The following ITSN1 variants were observed in gnomAD, a reference collection of about 807,000 sequenced individuals.
The protein encoded by ITSN1 is intersectin-1.
Under a neutral mutation model 239.8 loss-of-function variants are expected in ITSN1, and 58 were observed. The ratio of observed to expected loss-of-function variants is 0.24; its 90% CI spans 0.20 to 0.30. The LOEUF (loss-of-function observed/expected upper bound fraction) is 0.30. Among genes scored for constraint, ITSN1 ranks in the 10% least tolerant of loss-of-function variants. The pLI, the probability that ITSN1 is intolerant of heterozygous loss-of-function variation, is 1.00. For missense variants in ITSN1, 1,558 were observed against 2,103.3 expected, an observed-to-expected ratio of 0.74 and a Z score of 5.07; for synonymous variants, 780 against 770.8, an observed-to-expected ratio of 1.01 and a Z score of -0.20.
intron 1 of ITSN1, among the ~76,000 whole-genome samples, chr21:33,704,396 G>C (rs2092154675): frequency 6.6e-6 from 1 of 152,072 alleles, no homozygotes; most frequent in Non-Finnish European, 1.5e-5. Context: ...CTTCACCCTG[G>C]TTAGTTTACC....
intron 1 of ITSN1, among the ~76,000 whole-genome samples, chr21:33,699,586 G>C (rs968983120): frequency 4.6e-5 from 7 of 152,136 alleles, no homozygotes; most frequent in Non-Finnish European, 8.8e-5. Flanking sequence ...AGGTGTGGTG[G>C]TACACACCTA....
rs79117157 is a variant in ITSN1 at position 33,882,874 on chromosome 21, T to G, written c.4554+419T>G. On this transcript the variant is annotated intron_variant, in intron 35 of 39. Coordinates refer to ENST00000381318, the MANE Select transcript of ITSN1 (RefSeq NM_003024.3). This position sits in a 1 kb window ranked among gnomAD's most constrained non-coding sequence, Gnocchi z 4.5. ...GGTAGCTTGAAACATCCGAGCCCCC[T>G]CCTTTCTAGCAAAGTCTCTCTAAAC... is the stretch of plus-strand genomic sequence containing the variant. Among the ~76,000 whole-genome samples, 299 of 152,268 alleles carry G rather than the reference T, an allele frequency of 2.0e-3. 2 individuals carry two copies. The highest frequency in any genetic ancestry group is 7.0e-3 in the African/African-American group (289 of 41,568).
intron 22 of ITSN1, 173 bp downstream of exon 22, chr21:33,814,245 A>C: frequency 7.3e-5 from 10 of 137,272 alleles, no homozygotes; most frequent in Non-Finnish European, 8.4e-5. Context: ...AATAGTTGGG[A>C]GTTGGGGGTG....
In ITSN1 at chr21:33,782,119, A is replaced by T. The variant is rs1158034478; in HGVS notation, c.1810A>T (p.Asn604Tyr). The change falls in exon 16 of 40, where the codon AAT (asparagine) becomes TAT (tyrosine). Residue 604 changes from asparagine (N) to tyrosine (Y), a missense_variant. By Grantham distance (143) the Asn-to-Tyr change is moderately radical. Around this residue, in one of 2 missense-constraint regions of ITSN1, gnomAD observed 982 missense variants for 1,209.9 expected, o/e 0.81. Transcript: ENST00000381318. ...RSKLQEIDIF[N>Y]NQLKELREIH... ...AAAACTACAGGAGATTGATATTTTC[A>T]ATAATCAGCTGAAGGTAACTCTTCT... is the stretch of plus-strand genomic sequence containing the variant. 6.2e-7 allele frequency: 1 copy of T among 1,613,568 alleles called. No individual in the cohort carries two copies. The highest frequency in any genetic ancestry group is 8.5e-7 in the Non-Finnish European group (1 of 1,179,896).
chr21:33,770,790 G>C (rs1159123083), intron 11 of ITSN1, among the ~76,000 whole-genome samples: 1 of 138,114 alleles, frequency 7.2e-6, no homozygotes, highest in African/African-American at 2.9e-5. Flanking sequence ...TTTTGAGACA[G>C]AGTCTGCTCG....
At chr21:33,770,230 A>G (rs1207475719) in intron 11 of ITSN1, among the ~76,000 whole-genome samples, 9 of 150,950 alleles carry the variant, frequency 6.0e-5, no homozygotes, top group Non-Finnish European at 1.3e-4. Flanking sequence ...TACCCAGGTA[A>G]TTTTTTATTT....
In ITSN1 at chr21:33,797,049, A is replaced by T. The variant is rs1455046663; in HGVS notation, c.1953-330A>T. ...GGGAAATTTTTACAGTGTTGGGTGT[A>T]TTTTATTTTTATAGAAGTTATGTTC... is the stretch of plus-strand genomic sequence containing the variant. On this transcript the variant is annotated intron_variant, in intron 17 of 39. Transcript: ENST00000381318. This position sits in a 1 kb window ranked among gnomAD's most constrained non-coding sequence, Gnocchi z 4.9. Among the ~76,000 whole-genome samples the T allele has an allele frequency of 6.6e-6, 1 of 151,954 alleles. No individual in the cohort carries two copies. Among genetic ancestry groups the T allele is most frequent in the Non-Finnish European group, 1.5e-5 (1 of 67,970 alleles).
chr21:33,703,544 G>T (rs1376738435), intron 1 of ITSN1, among the ~76,000 whole-genome samples: 1 of 152,078 alleles, frequency 6.6e-6, no homozygotes, highest in East Asian at 1.9e-4. Flanking sequence ...AAAATATCTA[G>T]GTCCAGCAAT....
In ITSN1 at chr21:33,797,301, C is replaced by CT. The variant is rs2071636240; in HGVS notation, c.1953-71dup. 5.6e-6 allele frequency: 7 copies of CT among 1,260,808 alleles called. No individual in the cohort carries two copies. The highest frequency in any genetic ancestry group is 1.3e-5 in the South Asian group (1 of 78,208). The allele number at this position is 1,260,808 out of a possible 1,614,324, so 78.1% of individuals were successfully genotyped here. ...TTCCCATCCCATTTACTGGATGGAG[C>CT]TTTTTTTGTGAAAAGAGGCAACAGT... On this transcript the variant is annotated intron_variant, in intron 17 of 39. Transcript: ENST00000381318. The surrounding 1 kb of genome is among the most constrained non-coding windows in gnomAD (Gnocchi z 4.9).
intron 29 of ITSN1, among the ~76,000 whole-genome samples, chr21:33,840,850 T>C (rs1446701230): frequency 2.6e-5 from 4 of 152,244 alleles, no homozygotes; most frequent in Admixed American, 2.6e-4. Flanking sequence ...TTCATATTGG[T>C]CTGTGTAAAT....
rs368069042 is a variant in ITSN1 at position 33,665,030 on chromosome 21, C to T, written c.-33+22317C>T. ...CTGTAATCCCAGCACTTTGGGAGGCCGAGGTGGGTGGATCACGAGGTCAGG... is the reference window on the plus strand; with the variant it reads ...CTGTAATCCCAGCACTTTGGGAGGCTGAGGTGGGTGGATCACGAGGTCAGG... On this transcript the variant is annotated intron_variant, in intron 1 of 39. Coordinates refer to ENST00000381318, the MANE Select transcript of ITSN1 (RefSeq NM_003024.3). 3.8e-3 allele frequency among the ~76,000 whole-genome samples: 576 copies of T among 152,146 alleles called. 2 individuals are homozygous for T. Among genetic ancestry groups the T allele is most frequent in the African/African-American group, 0.012 (513 of 41,524 alleles).
At position 33,761,856 on chromosome 21, in the gene ITSN1, C is replaced by T. The variant is rs966053905; in HGVS notation, c.725-67C>T. On this transcript the variant is annotated intron_variant, in intron 8 of 39. Transcript: ENST00000381318. ...ATGGAGTAGTCCACATACGCAGAAC[C>T]CTGGTCCTCCTGTACAGTGAGTATT... 112 of 1,160,538 alleles carry T rather than the reference C, an allele frequency of 9.7e-5. 3 individuals carry two copies. The South Asian group carries it at 1.3e-3, about 13-fold the overall frequency. The allele number at this position is 1,160,538 out of a possible 1,614,324, so 71.9% of individuals were successfully genotyped here.
At chr21:33,679,352 G>A (rs1324336492) in intron 1 of ITSN1, among the ~76,000 whole-genome samples, 1 of 152,184 alleles carries the variant, frequency 6.6e-6, no homozygotes, top group Non-Finnish European at 1.5e-5. Context: ...ACTCTGATGT[G>A]TATGGCTTGC....
chr21:33,797,649 T>C lies in ITSN1; in HGVS notation c.2182+41T>C. The C allele has an allele frequency of 6.5e-7, 1 of 1,547,294 alleles. No homozygotes were observed. Among genetic ancestry groups the C allele is most frequent in the Non-Finnish European group, 8.9e-7 (1 of 1,124,148 alleles). ...AATAATTATAGAAAATAAGTCATCT[T>C]CTCTCCCAGAGCCTCCTGAAAAATG... On this transcript the variant is annotated intron_variant, in intron 18 of 39. Transcript: ENST00000381318. The surrounding 1 kb of genome is among the most constrained non-coding windows in gnomAD (Gnocchi z 4.9).
At chr21:33,832,162 C>G (rs1208135712) in intron 27 of ITSN1, among the ~76,000 whole-genome samples, 2 of 152,196 alleles carry the variant, frequency 1.3e-5, no homozygotes, top group East Asian at 3.9e-4. Context: ...CCCTGCTCTC[C>G]TGCCTTGCTG....
intron 1 of ITSN1, among the ~76,000 whole-genome samples, chr21:33,682,527 C>T (rs1388986096): frequency 6.6e-6 from 1 of 150,818 alleles, no homozygotes; most frequent in Non-Finnish European, 1.5e-5. Context: ...TCTTTCTTTT[C>T]TTTTCTTTCT....
chr21:33,691,266 A>G (rs1431557757), intron 1 of ITSN1, among the ~76,000 whole-genome samples: 2 of 152,232 alleles, frequency 1.3e-5, no homozygotes, highest in Non-Finnish European at 2.9e-5. Context: ...TAAGCTGAGC[A>G]ATGTAACACT....
chr21:33,674,269 T>C (rs567120767), intron 1 of ITSN1, among the ~76,000 whole-genome samples: 3 of 152,352 alleles, frequency 2.0e-5, no homozygotes, highest in East Asian at 1.9e-4. Context: ...TCAGTCTGTT[T>C]GAATGATTTA....
chr21:33,814,086 G>A lies in ITSN1; in HGVS notation c.2727+14G>A, dbSNP rs2148220122. On this transcript the variant is annotated intron_variant, in intron 22 of 39. Transcript: ENST00000381318. ...GTGCTAGGCCAGGTAAAGGCAGCCAGTGAGAGTGTGAAGACTTAGCATGCT... is the reference window on the plus strand; with the variant it reads ...GTGCTAGGCCAGGTAAAGGCAGCCAATGAGAGTGTGAAGACTTAGCATGCT... 4.3e-6 allele frequency: 7 copies of A among 1,613,214 alleles called. No individual in the cohort carries two copies. Among genetic ancestry groups the A allele is most frequent in the Non-Finnish European group, 5.9e-6 (7 of 1,179,506 alleles).
Sources: allele counts gnomAD v4.1 joint callset (sites outside exome capture counted in the v4.1 genomes callset), GRCh38; gene constraint gnomAD v4.1.1; regional missense constraint gnomAD v4.1.1; non-coding constraint Gnocchi (gnomAD v3.1); transcripts MANE v1.5; gene names NCBI Gene and HGNC (gene_info 2026-07-23, HGNC 2026-07-21).